LY75: variants seen among roughly 807,000 people sequenced by gnomAD.
LY75 encodes lymphocyte antigen 75.
In LY75, 185 loss-of-function variants were observed where a neutral mutation model predicts 231.7. The observed-to-expected ratio is 0.80, with a 90% CI of 0.71 to 0.90. The LOEUF is 0.90. LY75 is among the 40% of genes least tolerant of loss of function. The probability of loss-of-function intolerance (pLI) is 0.00; values close to 1 mark genes in which losing one functional copy is unlikely to be tolerated. For missense variants in LY75, 1,947 were observed against 2,050.2 expected (o/e 0.95, Z 0.97); for synonymous variants, 668 against 689.0 (o/e 0.97, Z 0.48).
chr2:159,856,427 A>T (rs536356193), intron 16 of LY75, among the ~76,000 whole-genome samples: 1 of 152,244 alleles, frequency 6.6e-6, no homozygotes. Context: ...GAGAAGAGGC[A>T]TGGTGATTTA....
At chr2:159,835,412 C>T (rs1488059781) in intron 26 of LY75, 68 bp downstream of exon 26, 1 of 1,428,062 alleles carries the variant, frequency 7.0e-7, no homozygotes, top group Non-Finnish European at 9.2e-7. Flanking sequence ...TAAAACCACT[C>T]CTCAGAAATT....
intron 27 of LY75, among the ~76,000 whole-genome samples, chr2:159,833,291 A>G (rs960965026): frequency 6.6e-6 from 1 of 151,826 alleles, no homozygotes; most frequent in Admixed American, 6.6e-5. Flanking sequence ...CATGCTTTTA[A>G]TTTTTTGCAG....
chr2:159,872,531 T>C lies in LY75; in HGVS notation c.2037A>G (p.Gln679=). The change falls in exon 13 of 35, where the codon CAA becomes CAG. Residue 679 remains glutamine, a synonymous_variant. Transcript: ENST00000263636. Reference sequence around the variant, plus strand: ...AGCTAGAAAGGTGTGCTCCAAGGGCTTGGCAGAATCGTTCAGCTTCTTCCC... The same window carrying C: ...AGCTAGAAAGGTGTGCTCCAAGGGCCTGGCAGAATCGTTCAGCTTCTTCCC... The part of the protein sequence containing the change: ...RNWEEAERFC[Q]ALGAHLSSFS... 1 of 1,614,038 alleles carries C rather than the reference T, an allele frequency of 6.2e-7. No individual in the cohort carries two copies. The highest frequency in any genetic ancestry group is 8.5e-7 in the Non-Finnish European group (1 of 1,179,934).
At chr2:159,855,955 A>T (rs1350942918) in intron 16 of LY75, among the ~76,000 whole-genome samples, 2 of 152,210 alleles carry the variant, frequency 1.3e-5, no homozygotes, top group African/African-American at 2.4e-5. Context: ...CAGCATCTTT[A>T]GTCTCTCTCT....
chr2:159,845,609 T>C (rs1684177146), intron 23 of LY75, among the ~76,000 whole-genome samples: 1 of 152,072 alleles, frequency 6.6e-6, no homozygotes, highest in Non-Finnish European at 1.5e-5. Context: ...AAAAATACAG[T>C]ATAACAACTA....
chr2:159,850,568 C>A (rs952601465), intron 21 of LY75, 101 bp from the exon 22 acceptor site: 2 of 1,483,438 alleles, frequency 1.3e-6, no homozygotes, highest in African/African-American at 2.8e-5. Flanking sequence ...AATTTTCGGT[C>A]TGTGAGATAT....
chr2:159,817,877 G>A (rs898888611), intron 29 of LY75, among the ~76,000 whole-genome samples: 4 of 151,934 alleles, frequency 2.6e-5, no homozygotes, highest in South Asian at 2.1e-4. Flanking sequence ...GTGAAACCCC[G>A]TCTCTACCAA....
In LY75 at chr2:159,875,446, T is replaced by C. The variant is rs762100493; in HGVS notation, c.1972A>G (p.Lys658Glu). The part of the protein sequence containing the change: ...QSFPASLSCY[K>E]VFHAERIVRK... Reference sequence around the variant, plus strand: ...ATAGAATGAGAATGTCACTTTACCTTATAACAAGAAAGACTTGCGGGGAAA... The same window carrying C: ...ATAGAATGAGAATGTCACTTTACCTCATAACAAGAAAGACTTGCGGGGAAA... Residue 658 changes from lysine (K) to glutamate (E), a missense_variant and splice_region_variant, in exon 12 of 35, where the codon AAG becomes GAG. Transcript: ENST00000263636. The C allele has an allele frequency of 2.0e-5, 33 of 1,612,640 alleles. No individual in the cohort carries two copies. Among genetic ancestry groups the C allele is most frequent in the Non-Finnish European group, 2.7e-5 (32 of 1,179,526 alleles).
chr2:159,852,422 G>T (rs12465692), intron 20 of LY75, 82 bp from the exon 21 acceptor site: 847 of 1,322,402 alleles, frequency 6.4e-4, no homozygotes, highest in Admixed American at 9.2e-4. Flanking sequence ...GTTTTTTTTT[G>T]TTTTTTTTTT....
chr2:159,810,790 A>G (rs1203182122), intron 31 of LY75, 115 bp from the exon 32 acceptor site: 1 of 1,462,402 alleles, frequency 6.8e-7, no homozygotes, highest in African/African-American at 1.4e-5. Context: ...GTAGCATTTA[A>G]CTCATACCAG....
rs72955748 is a variant in LY75 at position 159,857,245 on chromosome 2, T to G, written c.2383+1117A>C. 4.0e-3 allele frequency among the ~76,000 whole-genome samples: 611 copies of G among 152,342 alleles called. 7 individuals are homozygous for G. Among genetic ancestry groups the G allele is most frequent in the Admixed American group, 7.5e-3 (114 of 15,294 alleles). ...GAAAGAGATTTGCTACTACCTGATGTCACATCTGAAGCTCTTTTAACTATT... is the reference window on the plus strand; with the variant it reads ...GAAAGAGATTTGCTACTACCTGATGGCACATCTGAAGCTCTTTTAACTATT... On this transcript the variant is annotated intron_variant, in intron 16 of 34. Transcript: ENST00000263636.
At chr2:159,869,021 C>G (rs1469892883) in intron 13 of LY75, among the ~76,000 whole-genome samples, 3 of 152,050 alleles carry the variant, frequency 2.0e-5, no homozygotes, top group Non-Finnish European at 4.4e-5. Context: ...AAGCTGGAAA[C>G]CATCATTCTG....
At chr2:159,808,068 TTATAA>T in intron 33 of LY75, 1 of 982,974 alleles carries the variant, frequency 1.0e-6, no homozygotes, top group Non-Finnish European at 1.2e-6. Context: ...AATAACGAAG[TTATAA>T]GCTGCAAATC....
At chr2:159,890,137 C>A in intron 4 of LY75, 76 bp downstream of exon 4, 1 of 1,540,042 alleles carries the variant, frequency 6.5e-7, no homozygotes. Flanking sequence ...AGAAACACAT[C>A]TGGATATGAA....
In LY75 at chr2:159,803,683, G is replaced by A. The variant is rs1212074859; in HGVS notation, c.*1361C>T. On this transcript the variant is annotated 3_prime_UTR_variant, in exon 35 of 35. Transcript: ENST00000263636. ...TAAAACATTTTCACCTTTTCCAGTG[G>A]ATGCTATTACTAAGACTATAATCTA... 1 of 152,154 alleles carries A rather than the reference G, an allele frequency of 6.6e-6. No homozygotes were observed. The highest frequency in any genetic ancestry group is 6.5e-5 in the Admixed American group (1 of 15,280). The allele number at this position is 152,154 out of a possible 1,614,324, so 9.4% of individuals were successfully genotyped here. A position where few individuals can be genotyped will look rare whatever the true frequency, so the allele number is the denominator to read the frequency against.
chr2:159,882,871 CT>C (rs985291913), intron 6 of LY75, among the ~76,000 whole-genome samples: 22 of 152,160 alleles, frequency 1.4e-4, no homozygotes, highest in Admixed American at 1.3e-3. Flanking sequence ...AAGGTTACCC[CT>C]GGACTTCTTT....
At chr2:159,850,818 T>C (rs1684380310) in intron 21 of LY75, among the ~76,000 whole-genome samples, 2 of 92,656 alleles carry the variant, frequency 2.2e-5, no homozygotes, top group Admixed American at 1.1e-4. Context: ...ATATATAAGA[T>C]ATATATTGTA....
intron 1 of LY75, among the ~76,000 whole-genome samples, chr2:159,904,054 C>G (rs1407381681): frequency 2.0e-5 from 3 of 152,190 alleles, no homozygotes; most frequent in Non-Finnish European, 4.4e-5. Context: ...TGGTCACTTT[C>G]GGAGGAGATG....
intron 4 of LY75, among the ~76,000 whole-genome samples, chr2:159,887,122 A>T (rs1013254551): frequency 6.8e-5 from 10 of 146,764 alleles, no homozygotes; most frequent in African/African-American, 2.5e-4. Flanking sequence ...TATATATATT[A>T]TATATAATAT....
Sources: gnomAD v4.1 joint callset for allele counts (sites outside exome capture counted in the v4.1 genomes callset) on GRCh38, gnomAD v4.1.1 for gene constraint, MANE v1.5 for transcripts, NCBI Gene and HGNC (gene_info 2026-07-23, HGNC 2026-07-21) for gene names.